Variants in NXPH1 observed in about 807,000 individuals in gnomAD.
NXPH1 encodes neurexophilin-1.
NXPH1 carries 5 observed loss-of-function variants against 23.7 expected under a neutral mutation model. The observed-to-expected ratio is 0.21, with a 90% CI of 0.11 to 0.44. The LOEUF is 0.44. Among genes scored for constraint, NXPH1 ranks in the 20% least tolerant of loss-of-function variants. The pLI is 0.99. For missense variants in NXPH1, 324 were observed against 321.6 expected (o/e 1.01, Z -0.06); for synonymous variants, 144 against 122.2 (o/e 1.18, Z -1.18).
In NXPH1 at chr7:8,503,668, G is replaced by C. The variant is rs1202977312; in HGVS notation, c.54+67901G>C. ...TGCAGGTAAGGAAGGAAATGTGAAG[G>C]AGTGGTTTGATCTTCTCTGTAACAT... is the stretch of plus-strand genomic sequence containing the variant. On this transcript the variant is annotated intron_variant, in intron 2 of 2. Transcript: ENST00000405863. 2.0e-5 allele frequency among the ~76,000 whole-genome samples: 3 copies of C among 151,910 alleles called. No individual in the cohort carries two copies. In the East Asian group the frequency reaches 5.8e-4, roughly 30 times the overall value.
At chr7:8,613,695 A>C (rs1408893379) in intron 2 of NXPH1, among the ~76,000 whole-genome samples, 1 of 151,946 alleles carries the variant, frequency 6.6e-6, no homozygotes. Flanking sequence ...GTATCATTCA[A>C]TATCTTAAGC....
chr7:8,685,494 T>C (rs1338418849), intron 2 of NXPH1, among the ~76,000 whole-genome samples: 10 of 152,092 alleles, frequency 6.6e-5, no homozygotes, highest in African/African-American at 2.4e-4. Context: ...ACCTTTTCTT[T>C]ATCCATTAAT....
intron 2 of NXPH1, among the ~76,000 whole-genome samples, chr7:8,712,671 C>T (rs903873172): frequency 6.6e-6 from 1 of 152,200 alleles, no homozygotes; most frequent in Non-Finnish European, 1.5e-5. Context: ...AGCATTATCT[C>T]ATTGACTTCT....
intron 2 of NXPH1, among the ~76,000 whole-genome samples, chr7:8,614,976 T>C (rs1209453964): frequency 6.6e-6 from 1 of 152,094 alleles, no homozygotes; most frequent in East Asian, 1.9e-4. Flanking sequence ...TTCTGTTTTG[T>C]ATTTTAATTC....
chr7:8,716,828 G>T (rs1253961000), intron 2 of NXPH1, among the ~76,000 whole-genome samples: 1 of 152,164 alleles, frequency 6.6e-6, no homozygotes, highest in Non-Finnish European at 1.5e-5. Context: ...AGCCATTGGA[G>T]TGTCTTCCCC....
chr7:8,715,347 T>A (rs1382307323), intron 2 of NXPH1, among the ~76,000 whole-genome samples: 1 of 152,204 alleles, frequency 6.6e-6, no homozygotes, highest in African/African-American at 2.4e-5. Context: ...TTGTCTTTCT[T>A]ATTCTCTTCA....
intron 2 of NXPH1, among the ~76,000 whole-genome samples, chr7:8,623,913 T>C (rs1399593595): frequency 6.6e-6 from 1 of 152,070 alleles, no homozygotes; most frequent in Non-Finnish European, 1.5e-5. Context: ...GATCCAGATA[T>C]GGATCTAGAA....
intron 2 of NXPH1, among the ~76,000 whole-genome samples, chr7:8,587,993 A>C (rs1344681351): frequency 1.3e-5 from 2 of 152,202 alleles, no homozygotes; most frequent in Non-Finnish European, 2.9e-5. Flanking sequence ...AAATGTATGA[A>C]AAAAAGCTCA....
chr7:8,717,892 G>GTATATA (rs1408074927), intron 2 of NXPH1, among the ~76,000 whole-genome samples: 56 of 68,320 alleles, frequency 8.2e-4, no homozygotes, highest in African/African-American at 5.6e-3. Flanking sequence ...TTCTCTCTGT[G>GTATATA]TGTATATATA....
At chr7:8,587,816 C>T (rs12333672) in intron 2 of NXPH1, among the ~76,000 whole-genome samples, 41,058 of 151,986 alleles carry the variant, frequency 0.27, 6,111 homozygotes, top group African/African-American at 0.38. Flanking sequence ...GACATGAACT[C>T]ATCCTTTTTT....
At chr7:8,699,013 G>A (rs563359199) in intron 2 of NXPH1, among the ~76,000 whole-genome samples, 1 of 152,162 alleles carries the variant, frequency 6.6e-6, no homozygotes, top group South Asian at 2.1e-4. Flanking sequence ...GTCTCTATTA[G>A]CAATAAAATA....
At chr7:8,597,926 A>T (rs1819263136) in intron 2 of NXPH1, among the ~76,000 whole-genome samples, 1 of 151,978 alleles carries the variant, frequency 6.6e-6, no homozygotes, top group Non-Finnish European at 1.5e-5. Context: ...CAAATCTGAG[A>T]GTTCTTTTAC....
intron 2 of NXPH1, among the ~76,000 whole-genome samples, chr7:8,678,324 C>T (rs1365027749): frequency 6.6e-6 from 1 of 152,242 alleles, no homozygotes; most frequent in Non-Finnish European, 1.5e-5. Flanking sequence ...TATAAATTCA[C>T]ATCTTTCCCT....
chr7:8,480,983 C>T (rs964927799), intron 2 of NXPH1, among the ~76,000 whole-genome samples: 5 of 152,098 alleles, frequency 3.3e-5, no homozygotes, highest in East Asian at 3.9e-4. Context: ...AGAAACTAGG[C>T]GTGAGAGGCT....
chr7:8,595,495 A>G (rs1002779711), intron 2 of NXPH1, among the ~76,000 whole-genome samples: 5 of 152,094 alleles, frequency 3.3e-5, no homozygotes, highest in Admixed American at 3.3e-4. Context: ...TAGTAATTTC[A>G]TAATTTAGTT....
At chr7:8,600,676 G>A (rs1053629093) in intron 2 of NXPH1, among the ~76,000 whole-genome samples, 2 of 152,170 alleles carry the variant, frequency 1.3e-5, no homozygotes, top group Non-Finnish European at 2.9e-5. Context: ...TGCCTTCATT[G>A]AACCTTCTCT....
intron 2 of NXPH1, among the ~76,000 whole-genome samples, chr7:8,521,931 A>G (rs10278603): frequency 0.59 from 89,411 of 151,998 alleles, 26,478 homozygotes; most frequent in East Asian, 0.69. Context: ...TGAGAAGAAG[A>G]CAATGAGATG....
At chr7:8,494,075 A>G (rs1817297332) in intron 2 of NXPH1, among the ~76,000 whole-genome samples, 1 of 152,022 alleles carries the variant, frequency 6.6e-6, no homozygotes, top group Admixed American at 6.6e-5. Flanking sequence ...GTCTCAGGAT[A>G]TTGAAGGCCT....
chr7:8,468,251 G>A (rs1481201305), intron 2 of NXPH1, among the ~76,000 whole-genome samples: 1 of 152,062 alleles, frequency 6.6e-6, no homozygotes, highest in Non-Finnish European at 1.5e-5. Context: ...ACAAATGTCA[G>A]ACAAATGGCC....
Sources: allele counts gnomAD v4.1 joint callset (sites outside exome capture counted in the v4.1 genomes callset), GRCh38; gene constraint gnomAD v4.1.1; transcripts MANE v1.5; gene names NCBI Gene and HGNC (gene_info 2026-07-23, HGNC 2026-07-21).